Variants in ELMO1 observed in about 807,000 individuals in gnomAD.
ELMO1 encodes engulfment and cell motility 1.
Under a neutral mutation model 98.9 loss-of-function variants are expected in ELMO1, and 26 were observed. The observed-to-expected ratio is 0.26, with a 90% CI of 0.19 to 0.36. The LOEUF (loss-of-function observed/expected upper bound fraction) is 0.36, where lower values mean the gene tolerates loss of function less well. Ranked by LOEUF, ELMO1 falls within the 10% of genes least tolerant of loss-of-function variation. The pLI is 1.00. For missense variants in ELMO1, 627 were observed against 935.2 expected (o/e 0.67, Z 4.30); for synonymous variants, 346 against 346.0 (o/e 1.00, Z 0.00).
In ELMO1 at chr7:37,104,539, C is replaced by T. The variant is rs73690299; in HGVS notation, c.1192-7812G>A. On this transcript the variant is annotated intron_variant, in intron 14 of 21. Coordinates refer to ENST00000310758, the MANE Select transcript of ELMO1 (RefSeq NM_014800.11). ...TAAGAGAATATTTAAAAGTTACTTTCACCAGCATGCCCTTAAGTAAAAACT... is the reference window on the plus strand; with the variant it reads ...TAAGAGAATATTTAAAAGTTACTTTTACCAGCATGCCCTTAAGTAAAAACT... 4.6e-3 allele frequency among the ~76,000 whole-genome samples: 698 copies of T among 152,262 alleles called. 5 individuals carry two copies. Among genetic ancestry groups the T allele is most frequent in the African/African-American group, 0.016 (675 of 41,542 alleles).
At chr7:37,167,563 G>A (rs1305486443) in intron 13 of ELMO1, among the ~76,000 whole-genome samples, 1 of 150,574 alleles carries the variant, frequency 6.6e-6, no homozygotes, top group Non-Finnish European at 1.5e-5. Context: ...GCATTTGCTT[G>A]TCTGTAAAGT....
intron 16 of ELMO1, among the ~76,000 whole-genome samples, chr7:36,908,217 C>T (rs901840242): frequency 2.0e-5 from 3 of 152,202 alleles, no homozygotes; most frequent in Non-Finnish European, 4.4e-5. Context: ...GCACTCAGCT[C>T]AGAAGGAGCT....
intron 16 of ELMO1, among the ~76,000 whole-genome samples, chr7:36,996,505 G>T (rs192244170): frequency 3.9e-5 from 6 of 152,312 alleles, no homozygotes; most frequent in African/African-American, 1.4e-4. Flanking sequence ...TCAAGAAACA[G>T]AGAGAGTAGA....
chr7:37,282,558 AC>A (rs1797194218), intron 4 of ELMO1, among the ~76,000 whole-genome samples: 1 of 152,234 alleles, frequency 6.6e-6, no homozygotes, highest in South Asian at 2.1e-4. Context: ...AGACAGGACT[AC>A]GGATCGACCG....
Position 36,969,869 on chromosome 7 carries a change from A to T in ELMO1, c.1437+43430T>A, listed in dbSNP as rs572565591. Among the ~76,000 whole-genome samples, 649 of 152,286 alleles carry T rather than the reference A, an allele frequency of 4.3e-3. 11 individuals are homozygous for T. The highest frequency in any genetic ancestry group is 0.015 in the African/African-American group (619 of 41,564). ...TCAAGAGTAAAACATTCCCTTTATG[A>T]ACCCCTTTAGTCGCTTCCCTGTTGT... On this transcript the variant is annotated intron_variant, in intron 16 of 21. Transcript: ENST00000310758.
intron 21 of ELMO1, among the ~76,000 whole-genome samples, chr7:36,858,537 T>A (rs118115973): frequency 6.6e-5 from 10 of 152,288 alleles, no homozygotes; most frequent in Admixed American, 2.0e-4. Flanking sequence ...TGTGAATATG[T>A]CAGGTTCCAT....
intron 16 of ELMO1, among the ~76,000 whole-genome samples, chr7:36,993,381 C>A (rs1245841811): frequency 6.6e-6 from 1 of 152,156 alleles, no homozygotes; most frequent in Non-Finnish European, 1.5e-5. Context: ...TCTAAACAAA[C>A]CAACTAAGTG....
At chr7:37,161,905 A>ATATATATATATATATATATATAT (rs1789228691) in intron 13 of ELMO1, among the ~76,000 whole-genome samples, 1 of 42,380 alleles carries the variant, frequency 2.4e-5, no homozygotes, top group Non-Finnish European at 5.1e-5. Flanking sequence ...CAGGTAATCA[A>ATATATATATATATATATATATAT]ATATATATAT....
At chr7:37,204,979 A>G (rs548460686) in intron 13 of ELMO1, among the ~76,000 whole-genome samples, 1 of 152,284 alleles carries the variant, frequency 6.6e-6, no homozygotes, top group South Asian at 2.1e-4. Flanking sequence ...TGGTGCATTT[A>G]CAAACCTTTA....
chr7:37,172,248 G>T (rs935319618), intron 13 of ELMO1, among the ~76,000 whole-genome samples: 4 of 151,480 alleles, frequency 2.6e-5, no homozygotes, highest in Non-Finnish European at 5.9e-5. Flanking sequence ...GTTGAAAATC[G>T]CTGTTCTCAG....
At chr7:36,874,552 C>T (rs1337729459) in intron 19 of ELMO1, among the ~76,000 whole-genome samples, 1 of 152,082 alleles carries the variant, frequency 6.6e-6, no homozygotes, top group Non-Finnish European at 1.5e-5. Flanking sequence ...GATGGAGAGA[C>T]CTGAATTATT....
chr7:37,297,540 G>C (rs753774214), intron 4 of ELMO1, among the ~76,000 whole-genome samples: 1 of 149,900 alleles, frequency 6.7e-6, no homozygotes, highest in Non-Finnish European at 1.5e-5. Flanking sequence ...TTTATCAATA[G>C]TTTATAATGA....
chr7:37,209,245 T>C (rs1471488069), intron 13 of ELMO1, among the ~76,000 whole-genome samples: 1 of 152,142 alleles, frequency 6.6e-6, no homozygotes, highest in Non-Finnish European at 1.5e-5. Flanking sequence ...CCATTACAGA[T>C]AGCTCTCACA....
intron 16 of ELMO1, among the ~76,000 whole-genome samples, chr7:36,930,538 T>C (rs1306981678): frequency 6.6e-6 from 1 of 152,250 alleles, no homozygotes; most frequent in Non-Finnish European, 1.5e-5. Context: ...CCAAGCCACA[T>C]GCTGTGCTCT....
chr7:37,086,330 CTG>C (rs58906590), intron 15 of ELMO1, among the ~76,000 whole-genome samples: 26,402 of 142,684 alleles, frequency 0.19, 2,507 homozygotes, highest in Admixed American at 0.26. Flanking sequence ...CAATACATGA[CTG>C]TGTGTGTGTG....
intron 1 of ELMO1, among the ~76,000 whole-genome samples, chr7:37,401,704 A>C (rs551472246): frequency 1.3e-5 from 2 of 152,322 alleles, no homozygotes; most frequent in East Asian, 3.9e-4. Context: ...ACTCACTATC[A>C]CGAGAACAGC....
intron 1 of ELMO1, among the ~76,000 whole-genome samples, chr7:37,437,297 T>TA (rs1014375542): frequency 1.7e-4 from 26 of 151,384 alleles, no homozygotes; most frequent in Non-Finnish European, 3.5e-4. Context: ...CCCCTCAAAG[T>TA]AAAAAAAAAT....
intron 16 of ELMO1, among the ~76,000 whole-genome samples, chr7:36,911,028 C>CTG (rs1784309245): frequency 6.6e-6 from 1 of 152,222 alleles, no homozygotes; most frequent in Non-Finnish European, 1.5e-5. Flanking sequence ...GATGTTGCTA[C>CTG]TGTCCCTGGT....
intron 16 of ELMO1, among the ~76,000 whole-genome samples, chr7:36,939,996 G>A (rs1209163792): frequency 1.3e-5 from 2 of 152,212 alleles, no homozygotes; most frequent in Non-Finnish European, 2.9e-5. Context: ...TTTATTGCCT[G>A]ACTCCACAGG....
Sources: gnomAD v4.1 joint callset for allele counts (sites outside exome capture counted in the v4.1 genomes callset) on GRCh38, gnomAD v4.1.1 for gene constraint, MANE v1.5 for transcripts, NCBI Gene and HGNC (gene_info 2026-07-23, HGNC 2026-07-21) for gene names.